The following PABPC1L variants were observed in gnomAD, a reference collection of about 807,000 sequenced individuals.
The protein encoded by PABPC1L is polyadenylate-binding protein 1-like.
PABPC1L carries 31 observed loss-of-function variants against 66.6 expected under a neutral mutation model. The observed-to-expected ratio is 0.47, with a 90% CI of 0.35 to 0.63. The LOEUF (loss-of-function observed/expected upper bound fraction) is 0.63. Ranked by LOEUF, PABPC1L falls within the 20% of genes least tolerant of loss-of-function variation. The pLI is 0.00. For synonymous variants in PABPC1L, 348 were observed against 335.1 expected (o/e 1.04, Z -0.42); for missense variants, 722 against 848.8 (o/e 0.85, Z 1.86).
chr20:44,932,608 C>A, intron 9 of PABPC1L, 176 bp downstream of exon 9: 1 of 569,412 alleles, frequency 1.8e-6, no homozygotes, highest in Non-Finnish European at 3.1e-6. Context: ...GTGTAAAGTA[C>A]CAAGCACAGT....
At chr20:44,935,574 C>T (rs2066895485) in intron 11 of PABPC1L, 77 bp downstream of exon 11, 1 of 1,248,606 alleles carries the variant, frequency 8.0e-7, no homozygotes. Context: ...AGGTGTTGGG[C>T]CTTGGCTTTT....
intron 10 of PABPC1L, 48 bp downstream of exon 10, chr20:44,933,233 A>G (rs767744444): frequency 6.7e-7 from 1 of 1,495,962 alleles, no homozygotes; most frequent in East Asian, 2.4e-5. Context: ...CAAAGTTGGC[A>G]CTAGGAGTCA....
chr20:44,928,448 G>T (rs1431646439), intron 7 of PABPC1L, among the ~76,000 whole-genome samples: 1 of 152,090 alleles, frequency 6.6e-6, no homozygotes, highest in African/African-American at 2.4e-5. Context: ...ATACTGCCAG[G>T]ATTTTTTTGT....
chr20:44,917,361 A>ATTTTTTT, intron 3 of PABPC1L, among the ~76,000 whole-genome samples: 1 of 130,642 alleles, frequency 7.7e-6, no homozygotes, highest in Non-Finnish European at 1.6e-5. Flanking sequence ...TAATTTTTTG[A>ATTTTTTT]TTTTTTTTTT....
Position 44,918,893 on chromosome 20 carries a change from G to T in PABPC1L, c.504-13G>T. ...GCTGTCCACAGCCATGAGCCAGTGTGTCATGTCCACAGCTTTGTGGGTCAC... is the reference window on the plus strand; with the variant it reads ...GCTGTCCACAGCCATGAGCCAGTGTTTCATGTCCACAGCTTTGTGGGTCAC... On this transcript the variant is annotated splice_polypyrimidine_tract_variant and intron_variant, in intron 3 of 14. Coordinates refer to ENST00000217073, the MANE Select transcript of PABPC1L (RefSeq NM_001372179.1). 6.4e-7 allele frequency: 1 copy of T among 1,567,614 alleles called. No individual in the cohort carries two copies. The highest frequency in any genetic ancestry group is 8.6e-7 in the Non-Finnish European group (1 of 1,156,392).
At position 44,912,640 on chromosome 20, in the gene PABPC1L, C is replaced by G. The variant is rs747287116; in HGVS notation, c.194-20C>G. 2.5e-6 allele frequency: 4 copies of G among 1,582,932 alleles called. No individual in the cohort carries two copies. Among genetic ancestry groups the G allele is most frequent in the South Asian group, 1.1e-5 (1 of 89,038 alleles). ...AAATTCCCTAAACTTGCTAATTTCT[C>G]TCCTCTTCCTTCTGTCCAGCGGAGC... On this transcript the variant is annotated intron_variant, in intron 1 of 14. Coordinates refer to ENST00000217073, the MANE Select transcript of PABPC1L (RefSeq NM_001372179.1).
chr20:44,930,760 T>C, intron 8 of PABPC1L, 34 bp downstream of exon 8: 1 of 1,598,282 alleles, frequency 6.3e-7, no homozygotes, highest in African/African-American at 1.3e-5. Context: ...ACCGCAGCCT[T>C]CCCCCCTGCC....
chr20:44,926,471 C>T (rs1292136050), intron 7 of PABPC1L, among the ~76,000 whole-genome samples: 5 of 151,912 alleles, frequency 3.3e-5, no homozygotes, highest in East Asian at 3.9e-4. Flanking sequence ...GTAATCCGCC[C>T]GCCTCAGCCT....
At chr20:44,931,823 C>G (rs1057502860) in intron 8 of PABPC1L, 1 of 152,202 alleles carries the variant, frequency 6.6e-6, no homozygotes, top group African/African-American at 2.4e-5. Context: ...CTACACTATT[C>G]TACCCTAAGA....
In PABPC1L at chr20:44,917,116, G is replaced by A. The variant is rs77408476; in HGVS notation, c.503+245G>A. ...AGGAAGTGGTGATTTTAAAACTCTA[G>A]AGGGACTGGCTAATGGTCATATCAT... On this transcript the variant is annotated intron_variant, in intron 3 of 14. Coordinates refer to ENST00000217073, the MANE Select transcript of PABPC1L (RefSeq NM_001372179.1). Among the ~76,000 whole-genome samples, 80 of 152,270 alleles carry A rather than the reference G, an allele frequency of 5.3e-4. 1 individual carries two copies. The East Asian group carries it at 0.014, about 27-fold the overall frequency.
At chr20:44,937,079 A>G (rs915869766) in intron 12 of PABPC1L, 3 of 466,662 alleles carry the variant, frequency 6.4e-6, no homozygotes, top group Non-Finnish European at 1.3e-5. Context: ...GGGGGGTTAA[A>G]GTTCCTCACA....
In PABPC1L at chr20:44,932,338, G is replaced by A; in HGVS notation, c.1240-4G>A. ...CTCAGTCTGGGTCTTCTTTTCCCAT[G>A]CAGCCTCCAGCCCAGGCTGCATACT... On this transcript the variant is annotated splice_region_variant and splice_polypyrimidine_tract_variant and intron_variant, in intron 8 of 14. Coordinates refer to ENST00000217073, the MANE Select transcript of PABPC1L (RefSeq NM_001372179.1). 6.2e-7 allele frequency: 1 copy of A among 1,602,756 alleles called. No individual in the cohort carries two copies. Among genetic ancestry groups the A allele is most frequent in the East Asian group, 2.2e-5 (1 of 44,474 alleles).
rs1601129677 is a variant in PABPC1L at position 44,938,160 on chromosome 20, T to C, written c.1760T>C (p.Met587Thr). The C allele has an allele frequency of 5.0e-6, 8 of 1,614,176 alleles. No homozygotes were observed. The East Asian group carries it at 1.8e-4, about 36-fold the overall frequency. ...LEIDNSELLL[M>T]LESPESLHAK... Reference sequence around the variant, plus strand: ...ATTGACAACTCAGAGCTGTTGCTCATGCTGGAGTCTCCAGAATCCCTCCAT... The same window carrying C: ...ATTGACAACTCAGAGCTGTTGCTCACGCTGGAGTCTCCAGAATCCCTCCAT... The change falls in exon 13 of 15, where the codon ATG becomes ACG. Residue 587 changes from methionine (M) to threonine (T), a missense_variant. This residue lies in a region of PABPC1L where 301 missense variants were observed against 337.2 expected (regional missense o/e 0.89). Coordinates refer to ENST00000217073, the MANE Select transcript of PABPC1L (RefSeq NM_001372179.1).
At chr20:44,915,356 T>C (rs1163593473) in intron 2 of PABPC1L, among the ~76,000 whole-genome samples, 1 of 152,108 alleles carries the variant, frequency 6.6e-6, no homozygotes, top group African/African-American at 2.4e-5. Context: ...CACAGTCACC[T>C]TGAAGTGGGG....
chr20:44,936,872 C>T, intron 12 of PABPC1L, 142 bp downstream of exon 12: 1 of 816,736 alleles, frequency 1.2e-6, no homozygotes, highest in Middle Eastern at 2.2e-4. Context: ...GTGACCGTGG[C>T]CAAGCTGGCT....
chr20:44,918,839 G>A, intron 3 of PABPC1L, 67 bp from the exon 4 acceptor site: 2 of 1,517,136 alleles, frequency 1.3e-6, no homozygotes, highest in Non-Finnish European at 1.8e-6. Flanking sequence ...TTGAGCAGGA[G>A]TTGGCATGGG....
intron 12 of PABPC1L, among the ~76,000 whole-genome samples, chr20:44,937,560 ACATGCCAC>A (rs1257353520): frequency 6.6e-6 from 1 of 152,088 alleles, no homozygotes; most frequent in Non-Finnish European, 1.5e-5. Context: ...GCTTACAGGC[ACATGCCAC>A]CATGACCAGC....
At position 44,922,058 on chromosome 20, in the gene PABPC1L, G is replaced by A. The variant is rs925451880; in HGVS notation, c.876+327G>A. 7.9e-5 allele frequency among the ~76,000 whole-genome samples: 12 copies of A among 152,214 alleles called. No homozygotes were observed. In the South Asian group the frequency reaches 1.4e-3, roughly 18 times the overall value. On this transcript the variant is annotated intron_variant, in intron 6 of 14. Transcript: ENST00000217073. The stretch of plus-strand genomic sequence containing the variant: ...TAGTCTCAGACAACCAAAGTACCCC[G>A]CATATTGCCAGATGCCCCTAGAGGA...
chr20:44,917,016 A>C, intron 3 of PABPC1L, 145 bp downstream of exon 3: 1 of 685,456 alleles, frequency 1.5e-6, no homozygotes, highest in East Asian at 2.7e-5. Flanking sequence ...GTGAGCCCGG[A>C]GCAGCTGCTC....
Sources: allele counts gnomAD v4.1 joint callset (sites outside exome capture counted in the v4.1 genomes callset), GRCh38; gene constraint gnomAD v4.1.1; regional missense constraint gnomAD v4.1.1; transcripts MANE v1.5; gene names NCBI Gene and HGNC (gene_info 2026-07-23, HGNC 2026-07-21).